PKNOX2: variants seen among roughly 807,000 people sequenced by gnomAD.
PKNOX2 encodes the protein PBX/knotted 1 homeobox 2.
A neutral mutation model predicts 53.1 loss-of-function variants in PKNOX2; 14 were observed. The observed-to-expected ratio is 0.26, with a 90% CI of 0.17 to 0.41. PKNOX2 has a LOEUF of 0.41. PKNOX2 is among the 10% of genes least tolerant of loss of function. The pLI, the probability that PKNOX2 is intolerant of heterozygous loss-of-function variation, is 1.00. For missense variants in PKNOX2, 496 were observed against 602.8 expected (o/e 0.82, Z 1.85); for synonymous variants, 257 against 242.8 (o/e 1.06, Z -0.54).
At position 125,165,987 on chromosome 11, in the gene PKNOX2, G is replaced by C. The variant is rs1056171650; in HGVS notation, c.-201+1211G>C. The stretch of plus-strand genomic sequence containing the variant: ...TCACGGGGGAGCCGGGGGTTTCCGC[G>C]CGGTGGGGAGACTCGGGTTGGGAAT... On this transcript the variant is annotated intron_variant, in intron 1 of 12. Coordinates refer to ENST00000298282, the MANE Select transcript of PKNOX2 (RefSeq NM_001382323.2). The surrounding 1 kb of genome is among the most constrained non-coding windows in gnomAD (Gnocchi z 4.5). Among the ~76,000 whole-genome samples the C allele has an allele frequency of 6.6e-6, 1 of 152,146 alleles. No homozygotes were observed. Among genetic ancestry groups the C allele is most frequent in the South Asian group, 2.1e-4 (1 of 4,830 alleles).
chr11:125,331,400 C>A (rs1565498802), intron 2 of PKNOX2, among the ~76,000 whole-genome samples: 1 of 146,216 alleles, frequency 6.8e-6, no homozygotes, highest in Non-Finnish European at 1.5e-5. Context: ...GGATCTGCAA[C>A]TTATCCACAC....
intron 5 of PKNOX2, among the ~76,000 whole-genome samples, chr11:125,383,624 C>T (rs1488630032): frequency 6.6e-6 from 1 of 152,024 alleles, no homozygotes; most frequent in Non-Finnish European, 1.5e-5. Flanking sequence ...AAAAAACAAA[C>T]AAACAAAGAC....
chr11:125,300,519 T>G (rs1306662940), intron 2 of PKNOX2, among the ~76,000 whole-genome samples: 1 of 152,062 alleles, frequency 6.6e-6, no homozygotes, highest in African/African-American at 2.4e-5. Context: ...CCCAGGCTCT[T>G]AATCACCATT....
At chr11:125,300,615 C>T (rs562661248) in intron 2 of PKNOX2, among the ~76,000 whole-genome samples, 1 of 151,794 alleles carries the variant, frequency 6.6e-6, no homozygotes, top group East Asian at 1.9e-4. Context: ...AAGAGAGAGA[C>T]AGAGACAGAA....
At position 125,410,785 on chromosome 11, in the gene PKNOX2, C is replaced by A; in HGVS notation, c.725C>A (p.Ala242Asp). 1 of 1,613,962 alleles carries A rather than the reference C, an allele frequency of 6.2e-7. No homozygotes were observed. The highest frequency in any genetic ancestry group is 8.5e-7 in the Non-Finnish European group (1 of 1,179,902). ...AAACTGGTTGTCTCCTCAGGTGGAGCCTTATACCAACCGGTTACCATGGTA... is the reference window on the plus strand; with the variant it reads ...AAACTGGTTGTCTCCTCAGGTGGAGACTTATACCAACCGGTTACCATGGTA... ...TVNSQVVSGG[A>D]LYQPVTMVTS... The change falls in exon 9 of 13, where the codon GCC becomes GAC. Residue 242 changes from alanine to aspartate, a missense_variant. Coordinates refer to ENST00000298282, the MANE Select transcript of PKNOX2 (RefSeq NM_001382323.2).
At chr11:125,195,924 A>G (rs868092499) in intron 1 of PKNOX2, among the ~76,000 whole-genome samples, 1 of 114,010 alleles carries the variant, frequency 8.8e-6, no homozygotes, top group Non-Finnish European at 2.0e-5. Flanking sequence ...CACACACACA[A>G]TTCATTGACA....
chr11:125,426,496 G>A (rs1956431128), intron 10 of PKNOX2, among the ~76,000 whole-genome samples: 1 of 152,194 alleles, frequency 6.6e-6, no homozygotes, highest in African/African-American at 2.4e-5. Flanking sequence ...CAGCCAGCAC[G>A]GCCACTAGCT....
At chr11:125,307,939 CA>C (rs775292134) in intron 2 of PKNOX2, among the ~76,000 whole-genome samples, 7 of 152,188 alleles carry the variant, frequency 4.6e-5, no homozygotes, top group Non-Finnish European at 8.8e-5. Context: ...TTTGGAAACA[CA>C]AAATGTACTG....
intron 2 of PKNOX2, among the ~76,000 whole-genome samples, chr11:125,319,870 G>A (rs955733106): frequency 1.3e-5 from 2 of 152,184 alleles, no homozygotes; most frequent in African/African-American, 4.8e-5. Context: ...AAAGGCCTGG[G>A]TGGATGGAGG....
chr11:125,276,025 T>A (rs1316863344), intron 2 of PKNOX2, among the ~76,000 whole-genome samples: 1 of 152,126 alleles, frequency 6.6e-6, no homozygotes, highest in African/African-American at 2.4e-5. Flanking sequence ...GAAGGAGTGC[T>A]TGCGAAATAC....
At chr11:125,428,948 A>C in intron 10 of PKNOX2, 64 bp from the exon 11 acceptor site, 1 of 1,522,764 alleles carries the variant, frequency 6.6e-7, no homozygotes, top group Non-Finnish European at 9.1e-7. Context: ...GCGTGGGCAC[A>C]GTCCCTTGGG....
chr11:125,426,250 T>C (rs1956408900), intron 10 of PKNOX2, among the ~76,000 whole-genome samples: 1 of 152,192 alleles, frequency 6.6e-6, no homozygotes, highest in African/African-American at 2.4e-5. Flanking sequence ...CATCATCCTC[T>C]CCTCTACTAG....
intron 2 of PKNOX2, among the ~76,000 whole-genome samples, chr11:125,316,736 A>C (rs1949219141): frequency 6.6e-6 from 1 of 152,228 alleles, no homozygotes; most frequent in South Asian, 2.1e-4. Flanking sequence ...TCAGCAAGTC[A>C]TAATTTTTTG....
chr11:125,309,126 T>TCTTC (rs1472239897), intron 2 of PKNOX2, among the ~76,000 whole-genome samples: 3 of 147,994 alleles, frequency 2.0e-5, no homozygotes, highest in Non-Finnish European at 3.0e-5. Context: ...CACAATTACC[T>TCTTC]CTTCCTTTCT....
intron 2 of PKNOX2, among the ~76,000 whole-genome samples, chr11:125,261,483 G>C (rs1238168994): frequency 6.6e-6 from 1 of 152,224 alleles, no homozygotes; most frequent in Non-Finnish European, 1.5e-5. Flanking sequence ...TGGTAGATCA[G>C]CCTTGTCTTC....
At chr11:125,308,302 C>G (rs1176795045) in intron 2 of PKNOX2, among the ~76,000 whole-genome samples, 3 of 152,212 alleles carry the variant, frequency 2.0e-5, no homozygotes, top group African/African-American at 7.2e-5. Context: ...GCCCAGCCAG[C>G]TGCCTCGGAG....
intron 6 of PKNOX2, among the ~76,000 whole-genome samples, chr11:125,390,607 T>C (rs1953991042): frequency 6.6e-6 from 1 of 152,254 alleles, no homozygotes; most frequent in Non-Finnish European, 1.5e-5. Flanking sequence ...TCTTTGCTGT[T>C]TAATTCTCAC....
chr11:125,203,964 A>C lies in PKNOX2; in HGVS notation c.-200-31081A>C, dbSNP rs146364030. Among the ~76,000 whole-genome samples, 730 of 152,298 alleles carry C rather than the reference A, an allele frequency of 4.8e-3. 3 individuals are homozygous for C. Among genetic ancestry groups the C allele is most frequent in the Admixed American group, 9.9e-3 (151 of 15,298 alleles). Reference sequence around the variant, plus strand: ...TCACCATCTGAGTAGAGAGAAGTACAAGCCTCTGTGTCCCTCTGCTCAGAG... The same window carrying C: ...TCACCATCTGAGTAGAGAGAAGTACCAGCCTCTGTGTCCCTCTGCTCAGAG... On this transcript the variant is annotated intron_variant, in intron 1 of 12. Coordinates refer to ENST00000298282, the MANE Select transcript of PKNOX2 (RefSeq NM_001382323.2).
chr11:125,168,669 C>T (rs1429813665), intron 1 of PKNOX2, among the ~76,000 whole-genome samples: 16 of 152,202 alleles, frequency 1.1e-4, no homozygotes, highest in Admixed American at 1.0e-3. Context: ...AGCAAAACGG[C>T]TGGATTTTAA....
Sources: allele counts gnomAD v4.1 joint callset (sites outside exome capture counted in the v4.1 genomes callset), GRCh38; gene constraint gnomAD v4.1.1; non-coding constraint Gnocchi (gnomAD v3.1); transcripts MANE v1.5; gene names NCBI Gene and HGNC (gene_info 2026-07-23, HGNC 2026-07-21).